The following CEBPZ variants were observed in gnomAD, a reference collection of about 807,000 sequenced individuals.
CEBPZ encodes the protein CCAAT/enhancer-binding protein zeta.
In CEBPZ, 78 loss-of-function variants were observed where a neutral mutation model predicts 104.5. The observed-to-expected ratio is 0.75, with a 90% CI of 0.62 to 0.90. CEBPZ has a LOEUF of 0.90. CEBPZ is among the 40% of genes least tolerant of loss of function. The probability of loss-of-function intolerance (pLI) is 0.00; values close to 1 mark genes in which losing one functional copy is unlikely to be tolerated. For missense variants in CEBPZ, 1,439 were observed against 1,233.5 expected (o/e 1.17, Z -2.50); for synonymous variants, 470 against 427.0 (o/e 1.10, Z -1.24).
intron 8 of CEBPZ, 106 bp from the exon 9 acceptor site, chr2:37,215,058 G>A (rs1430262867): frequency 5.3e-6 from 4 of 753,512 alleles, no homozygotes; most frequent in African/African-American, 5.3e-5. Context: ...AAAAATCTCA[G>A]AATTGTGTGG....
At position 37,227,995 on chromosome 2, in the gene CEBPZ, T is replaced by A; in HGVS notation, c.1198A>T (p.Thr400Ser). The change falls in exon 2 of 16, where the codon ACA (threonine) becomes TCA (serine). Residue 400 changes from threonine (T) to serine (S), a missense_variant. Transcript: ENST00000234170. ...KLGDPQNRIA[T>S]KASHLLETLL... Reference sequence around the variant, plus strand: ...GTCTCTAACAGATGGGATGCTTTTGTGGCAATTCTGTTCTGAGGATCTCCC... The same window carrying A: ...GTCTCTAACAGATGGGATGCTTTTGAGGCAATTCTGTTCTGAGGATCTCCC... The A allele has an allele frequency of 6.2e-7, 1 of 1,614,192 alleles. No individual in the cohort carries two copies. The highest frequency in any genetic ancestry group is 8.5e-7 in the Non-Finnish European group (1 of 1,180,020).
intron 5 of CEBPZ, among the ~76,000 whole-genome samples, chr2:37,218,366 G>A (rs1304020159): frequency 6.6e-6 from 1 of 152,114 alleles, no homozygotes; most frequent in Non-Finnish European, 1.5e-5. Flanking sequence ...TCTCTTTAAT[G>A]TCTGGCTTAA....
chr2:37,218,780 T>C (rs1664698020), intron 5 of CEBPZ, among the ~76,000 whole-genome samples: 1 of 152,196 alleles, frequency 6.6e-6, no homozygotes, highest in South Asian at 2.1e-4. Flanking sequence ...GGCATGCTCC[T>C]GTAATCCCAG....
chr2:37,231,043 T>C (rs1021394139), intron 1 of CEBPZ, among the ~76,000 whole-genome samples: 9 of 152,320 alleles, frequency 5.9e-5, no homozygotes, highest in African/African-American at 9.6e-5. Flanking sequence ...GACACGTGCA[T>C]GTACTCTATG....
At chr2:37,230,587 A>G (rs1164803033) in intron 1 of CEBPZ, among the ~76,000 whole-genome samples, 1 of 152,240 alleles carries the variant, frequency 6.6e-6, no homozygotes, top group South Asian at 2.1e-4. Flanking sequence ...TATTAAAAAC[A>G]AAGTTAATTT....
chr2:37,230,352 G>A (rs1665026757), intron 1 of CEBPZ, among the ~76,000 whole-genome samples: 1 of 152,202 alleles, frequency 6.6e-6, no homozygotes, highest in South Asian at 2.1e-4. Flanking sequence ...GATATAAAAT[G>A]CAGTTGTAAA....
rs1664796706 is a variant in CEBPZ at position 37,222,505 on chromosome 2, A to T, written c.1940T>A (p.Phe647Tyr). Residue 647 changes from phenylalanine to tyrosine, a missense_variant, in exon 4 of 16, where the codon TTC becomes TAC. Phe to Tyr is a conservative substitution (Grantham distance 22). Coordinates refer to ENST00000234170, the MANE Select transcript of CEBPZ (RefSeq NM_005760.3). ...CTCTGTTTCTTTGTCTGCATCAGTG[A>T]ATTTTTCCATGTCTTCATCATCATT... ...DANDDEDMEK[F>Y]TDADKETEIV... is the part of the protein sequence containing the mutation. 1 of 1,608,240 alleles carries T rather than the reference A, an allele frequency of 6.2e-7. No homozygotes were observed. Among genetic ancestry groups the T allele is most frequent in the Non-Finnish European group, 8.5e-7 (1 of 1,178,498 alleles).
At chr2:37,217,180 T>G in intron 5 of CEBPZ, 143 bp from the exon 6 acceptor site, 1 of 640,322 alleles carries the variant, frequency 1.6e-6, no homozygotes, top group East Asian at 2.9e-5. Flanking sequence ...GGCAGATTGC[T>G]TGAGCCCAGA....
Position 37,227,705 on chromosome 2 carries a change from A to G in CEBPZ, c.1488T>C (p.Tyr496=), listed in dbSNP as rs1364671279. The change falls in exon 2 of 16, where the codon TAT becomes TAC. Residue 496 remains tyrosine (Y), a synonymous_variant. Coordinates refer to ENST00000234170, the MANE Select transcript of CEBPZ (RefSeq NM_005760.3). ...TTACTTTGTCATCACCAGTCTGGGA[A>G]TAAGGGTATGCCCTATTCACACCTG... The part of the protein sequence containing the change: ...LLTGVNRAYP[Y]SQTGDDKVRE... 2 of 1,614,206 alleles carry G rather than the reference A, an allele frequency of 1.2e-6. No individual in the cohort carries two copies. The highest frequency in any genetic ancestry group is 1.6e-4 in the Middle Eastern group (1 of 6,062).
chr2:37,212,199 A>G, intron 11 of CEBPZ, 136 bp downstream of exon 11: 1 of 979,452 alleles, frequency 1.0e-6, no homozygotes, highest in Non-Finnish European at 1.5e-6. Flanking sequence ...GTCAAAGATG[A>G]AAGTACTGTA....
chr2:37,222,326 A>G, intron 4 of CEBPZ, 54 bp downstream of exon 4: 1 of 1,339,214 alleles, frequency 7.5e-7, no homozygotes, highest in Non-Finnish European at 1.0e-6. Context: ...GCTATTTTCT[A>G]TGAAAATCAA....
chr2:37,224,135 C>T (rs914405940), intron 2 of CEBPZ, among the ~76,000 whole-genome samples: 5 of 152,196 alleles, frequency 3.3e-5, no homozygotes, highest in Non-Finnish European at 7.3e-5. Context: ...ACTGTTGTAA[C>T]CCCAGTGCCT....
rs1272307980 is a variant in CEBPZ at position 37,222,493 on chromosome 2, T to C, written c.1952A>G (p.Asp651Gly). Residue 651 changes from aspartate to glycine, a missense_variant, in exon 4 of 16, where the codon GAC becomes GGC. Asp to Gly is a moderately conservative substitution (Grantham distance 94, BLOSUM62 -1). Transcript: ENST00000234170. ...TTTTTTCACTATCTCTGTTTCTTTGTCTGCATCAGTGAATTTTTCCATGTC... is the reference window on the plus strand; with the variant it reads ...TTTTTTCACTATCTCTGTTTCTTTGCCTGCATCAGTGAATTTTTCCATGTC... ...DEDMEKFTDA[D>G]KETEIVKKLE... 1.4e-5 allele frequency: 22 copies of C among 1,610,708 alleles called. No homozygotes were observed. Among genetic ancestry groups the C allele is most frequent in the African/African-American group, 5.4e-5 (4 of 74,728 alleles).
chr2:37,214,872 A>G lies in CEBPZ; in HGVS notation c.2447+14T>C. 1 of 1,564,122 alleles carries G rather than the reference A, an allele frequency of 6.4e-7. No homozygotes were observed. The highest frequency in any genetic ancestry group is 8.8e-7 in the Non-Finnish European group (1 of 1,138,156). On this transcript the variant is annotated intron_variant, in intron 9 of 15. Coordinates refer to ENST00000234170, the MANE Select transcript of CEBPZ (RefSeq NM_005760.3). ...TAGCAGTTTCCCCAAATGAAACTAT[A>G]TTATGTATAGTACCTGTGGAAAAAC...
At chr2:37,206,397 G>A (rs572224879) in intron 13 of CEBPZ, among the ~76,000 whole-genome samples, 5 of 152,212 alleles carry the variant, frequency 3.3e-5, no homozygotes, top group African/African-American at 9.6e-5. Flanking sequence ...TTGCTCTGTC[G>A]CCCAGGCGGG....
intron 3 of CEBPZ, 30 bp downstream of exon 3, chr2:37,223,140 C>T (rs1457397047): frequency 1.0e-5 from 16 of 1,553,630 alleles, no homozygotes; most frequent in Non-Finnish European, 1.4e-5. Flanking sequence ...TCAGCACCCA[C>T]TCAATTTAAA....
chr2:37,221,408 G>T (rs1664768526), intron 4 of CEBPZ, among the ~76,000 whole-genome samples: 1 of 152,156 alleles, frequency 6.6e-6, no homozygotes, highest in African/African-American at 2.4e-5. Flanking sequence ...CCAAAGAGGT[G>T]GAAACGTTAA....
At chr2:37,222,922 T>C (rs1363369109) in intron 3 of CEBPZ, among the ~76,000 whole-genome samples, 1 of 152,222 alleles carries the variant, frequency 6.6e-6, no homozygotes, top group South Asian at 2.1e-4. Flanking sequence ...CTAAGTTTTA[T>C]AGTCTTCCAA....
Position 37,227,941 on chromosome 2 carries a change from C to T in CEBPZ, c.1252G>A (p.Gly418Arg). 3 of 1,614,206 alleles carry T rather than the reference C, an allele frequency of 1.9e-6. No homozygotes were observed. Among genetic ancestry groups the T allele is most frequent in the Non-Finnish European group, 1.7e-6 (2 of 1,180,034 alleles). Residue 418 changes from glycine (G) to arginine (R), a missense_variant, in exon 2 of 16, where the codon GGA becomes AGA. Physicochemically the swap from Gly to Arg is moderately radical, Grantham distance 125 (BLOSUM62 -2). Coordinates refer to ENST00000234170, the MANE Select transcript of CEBPZ (RefSeq NM_005760.3). ...TLLCKHPNMK[G>R]VVSGEVERLL... is the part of the protein sequence containing the mutation. ...CTTTCTACTTCACCAGACACAACTC[C>T]TTTCATATTGGGATGTTTACAAAGT...
Sources: gnomAD v4.1 joint callset for allele counts (sites outside exome capture counted in the v4.1 genomes callset) on GRCh38, gnomAD v4.1.1 for gene constraint, MANE v1.5 for transcripts, NCBI Gene and HGNC (gene_info 2026-07-23, HGNC 2026-07-21) for gene names.